The following ATCAY variants were observed in gnomAD, a reference collection of about 807,000 sequenced individuals.
The protein encoded by ATCAY is ATCAY kinesin light chain interacting caytaxin.
A neutral mutation model predicts 47.7 loss-of-function variants in ATCAY; 22 were observed. That is an observed-to-expected ratio of 0.46 (90% confidence interval 0.33 to 0.66). ATCAY has a LOEUF of 0.66. ATCAY is among the 30% of genes least tolerant of loss of function. ATCAY has a pLI of 0.02. For synonymous variants in ATCAY, 216 were observed against 207.6 expected (o/e 1.04, Z -0.35); for missense variants, 452 against 515.0 (o/e 0.88, Z 1.18).
chr19:3,908,316 T>C lies in ATCAY; in HGVS notation c.593T>C (p.Phe198Ser). Residue 198 changes from phenylalanine (F) to serine (S), a missense_variant, in exon 6 of 13, where the codon TTC (phenylalanine) becomes TCC (serine). By Grantham distance (155) the Phe-to-Ser change is radical. Coordinates refer to ENST00000450849, the MANE Select transcript of ATCAY (RefSeq NM_033064.5). ...GCCATCATCGTCTTCGCAGCCTGCT[T>C]CCTTCCAGACAGCAGCCTCCCCGAC... Reference protein sequence around the residue: ...LNAIIVFAACFLPDSSLPDYH... With the variant: ...LNAIIVFAACSLPDSSLPDYH... 1 of 1,594,910 alleles carries C rather than the reference T, an allele frequency of 6.3e-7. No homozygotes were observed.
chr19:3,915,477 G>A (rs1454597104), intron 9 of ATCAY, among the ~76,000 whole-genome samples: 5 of 150,320 alleles, frequency 3.3e-5, no homozygotes, highest in African/African-American at 7.3e-5. Flanking sequence ...GAGCCACTGC[G>A]CCCGGCCTAT....
intron 9 of ATCAY, among the ~76,000 whole-genome samples, chr19:3,916,048 C>T (rs1345578745): frequency 6.6e-6 from 1 of 152,124 alleles, no homozygotes; most frequent in African/African-American, 2.4e-5. Flanking sequence ...AACACTCACT[C>T]CCCATTCCAC....
intron 3 of ATCAY, among the ~76,000 whole-genome samples, chr19:3,903,265 C>G (rs888141864): frequency 6.6e-6 from 1 of 151,734 alleles, no homozygotes; most frequent in Admixed American, 6.6e-5. Flanking sequence ...TGAGCCACCA[C>G]GCCTGGCATG....
chr19:3,910,272 G>A (rs768892455), intron 7 of ATCAY, among the ~76,000 whole-genome samples: 1 of 152,166 alleles, frequency 6.6e-6, no homozygotes, highest in Non-Finnish European at 1.5e-5. Context: ...ATTGTAGCCT[G>A]TGTCAGAGCC....
chr19:3,895,027 C>T, intron 2 of ATCAY: 13 of 411,678 alleles, frequency 3.2e-5, no homozygotes, highest in Admixed American at 1.0e-4. Context: ...TTCTCTCTCT[C>T]TCCTCTCCTT....
intron 2 of ATCAY, among the ~76,000 whole-genome samples, chr19:3,887,721 C>A (rs551116310): frequency 2.0e-5 from 3 of 150,208 alleles, no homozygotes; most frequent in Non-Finnish European, 4.4e-5. Flanking sequence ...CGTCTGACCT[C>A]GTGATCCGCC....
rs1021441374 is a variant in ATCAY at position 3,909,036 on chromosome 19, A to G, written c.648-450A>G. 3.8e-4 allele frequency among the ~76,000 whole-genome samples: 38 copies of G among 100,204 alleles called. 2 individuals carry two copies. The highest frequency in any genetic ancestry group is 1.4e-3 in the African/African-American group (35 of 25,460). The allele number at this position is 100,204 out of a possible 152,430, so 65.7% of individuals were successfully genotyped here. On this transcript the variant is annotated intron_variant, in intron 6 of 12. Coordinates refer to ENST00000450849, the MANE Select transcript of ATCAY (RefSeq NM_033064.5). ...AAAAAAAAAAAAAAAAGCAAGGCCT[A>G]GAGACCAGCCTGGCCAACATAGTGA...
In ATCAY at chr19:3,881,871, C is replaced by CCA. The variant is rs1555765196; in HGVS notation, c.-42+864_-42+865insAC. ...CCTGGCTGGCTGCTGCCACCGCCCC[C>CCA]CCCCCGACCCCATAGCATCCAGGAG... is the stretch of plus-strand genomic sequence containing the variant. On this transcript the variant is annotated intron_variant, in intron 1 of 12. Transcript: ENST00000450849. 4.1e-5 allele frequency among the ~76,000 whole-genome samples: 6 copies of CCA among 144,934 alleles called. No individual in the cohort carries two copies. The East Asian group carries it at 1.3e-3, about 31-fold the overall frequency.
intron 1 of ATCAY, among the ~76,000 whole-genome samples, chr19:3,885,115 A>T (rs1167132471): frequency 1.4e-5 from 2 of 147,290 alleles, no homozygotes; most frequent in Non-Finnish European, 3.0e-5. Flanking sequence ...TTTTTAAAAA[A>T]AAAAAAAAAA....
intron 3 of ATCAY, 133 bp downstream of exon 3, chr19:3,902,678 G>A: frequency 2.0e-6 from 2 of 1,018,556 alleles, no homozygotes; most frequent in African/African-American, 1.6e-5. Context: ...GGGGTCTATG[G>A]TGGAAGTGGC....
intron 2 of ATCAY, among the ~76,000 whole-genome samples, chr19:3,891,697 G>C (rs2038720657): frequency 6.6e-6 from 1 of 151,632 alleles, no homozygotes; most frequent in Non-Finnish European, 1.5e-5. Context: ...TGAGGGACTG[G>C]GGAAGGCTGC....
rs953368448 is a variant in ATCAY at position 3,907,410 on chromosome 19, C to G, written c.359-324C>G. 6.6e-6 allele frequency among the ~76,000 whole-genome samples: 1 copy of G among 152,060 alleles called. No individual in the cohort carries two copies. The highest frequency in any genetic ancestry group is 1.5e-5 in the Non-Finnish European group (1 of 68,012). ...GAGTAAAAACCAAGCATGCATGCCC[C>G]GAGTATCCTCGTGGTTTGATGAAGC... On this transcript the variant is annotated intron_variant, in intron 4 of 12. Coordinates refer to ENST00000450849, the MANE Select transcript of ATCAY (RefSeq NM_033064.5). This position sits in a 1 kb window ranked among gnomAD's most constrained non-coding sequence, Gnocchi z 5.1.
intron 2 of ATCAY, among the ~76,000 whole-genome samples, chr19:3,897,823 G>C (rs971102625): frequency 6.6e-6 from 1 of 152,034 alleles, no homozygotes; most frequent in Non-Finnish European, 1.5e-5. Flanking sequence ...CACAAGAATC[G>C]CCTAAACCCG....
At chr19:3,887,037 C>A (rs1389298157) in intron 2 of ATCAY, among the ~76,000 whole-genome samples, 2 of 152,132 alleles carry the variant, frequency 1.3e-5, no homozygotes, top group Non-Finnish European at 2.9e-5. Context: ...CCCCACCACA[C>A]GGAGCGCCAC....
rs1187772357 is a variant in ATCAY, at chr19:3,927,956, C to T, written c.*3364C>T. On this transcript the variant is annotated 3_prime_UTR_variant, in exon 13 of 13. Coordinates refer to ENST00000450849, the MANE Select transcript of ATCAY (RefSeq NM_033064.5). The stretch of plus-strand genomic sequence containing the variant: ...CCTGGTCAGCAGCCCATCCTTCCAA[C>T]GATGAGTTTTGCGGTTTTTCAGAAC... 1 of 152,234 alleles carries T rather than the reference C, an allele frequency of 6.6e-6. No homozygotes were observed. Among genetic ancestry groups the T allele is most frequent in the Non-Finnish European group, 1.5e-5 (1 of 68,056 alleles). The allele number at this position is 152,234 out of a possible 1,614,324, so 9.4% of individuals were successfully genotyped here.
chr19:3,924,127 T>G (rs1318940539), intron 12 of ATCAY, among the ~76,000 whole-genome samples: 12 of 123,498 alleles, frequency 9.7e-5, no homozygotes, highest in African/African-American at 1.6e-4. Flanking sequence ...TGGATGGATG[T>G]GTGGGTGGGT....
intron 2 of ATCAY, among the ~76,000 whole-genome samples, chr19:3,896,632 T>A (rs114198821): frequency 0.012 from 1,804 of 152,184 alleles, 40 homozygotes; most frequent in African/African-American, 0.041. Context: ...GTTCACAGCC[T>A]ACGTAGAGTC....
Position 3,905,478 on chromosome 19 carries a change from A to C in ATCAY, c.181A>C (p.Lys61Gln). Residue 61 changes from lysine to glutamine, a missense_variant, in exon 4 of 13, where the codon AAG becomes CAG. Physicochemically the swap from Lys to Gln is moderately conservative, Grantham distance 53. Transcript: ENST00000450849. ...TTTCAACGGAGCGCATCGTAAGAGG[A>C]AGACGCTGGTGGCCCCAGAGATCAA... ...LNFNGAHRKR[K>Q]TLVAPEINIS... The C allele has an allele frequency of 1.9e-6, 3 of 1,613,726 alleles. No individual in the cohort carries two copies. The highest frequency in any genetic ancestry group is 2.5e-6 in the Non-Finnish European group (3 of 1,179,782).
At chr19:3,922,165 G>A in intron 12 of ATCAY, 2 of 702,330 alleles carry the variant, frequency 2.8e-6, no homozygotes, top group South Asian at 3.0e-5. Flanking sequence ...TTAGCCTCCA[G>A]CCCCTGCACA....
Sources: allele counts gnomAD v4.1 joint callset (sites outside exome capture counted in the v4.1 genomes callset), GRCh38; gene constraint gnomAD v4.1.1; non-coding constraint Gnocchi (gnomAD v3.1); transcripts MANE v1.5; gene names NCBI Gene and HGNC (gene_info 2026-07-23, HGNC 2026-07-21).